The following MAGI2 variants were observed in gnomAD, a reference collection of about 807,000 sequenced individuals.
MAGI2 encodes the protein membrane associated guanylate kinase, WW and PDZ domain containing 2.
A neutral mutation model predicts 133.3 loss-of-function variants in MAGI2; 35 were observed. That is an observed-to-expected ratio of 0.26 (90% confidence interval 0.20 to 0.35). The LOEUF is 0.35. Ranked by LOEUF, MAGI2 falls within the 10% of genes least tolerant of loss-of-function variation. MAGI2 has a pLI of 1.00. For missense variants in MAGI2, 1,636 were observed against 1,863.4 expected (o/e 0.88, Z 2.25); for synonymous variants, 729 against 710.6 (o/e 1.03, Z -0.41).
chr7:79,450,613 C>CT (rs1292616917), intron 1 of MAGI2, among the ~76,000 whole-genome samples: 3 of 152,138 alleles, frequency 2.0e-5, no homozygotes, highest in Admixed American at 2.0e-4. Flanking sequence ...TGAAAAGAGA[C>CT]TTTCCCCTCA....
chr7:79,127,107 A>G (rs568782143), intron 1 of MAGI2, among the ~76,000 whole-genome samples: 4 of 152,226 alleles, frequency 2.6e-5, no homozygotes, highest in East Asian at 1.9e-4. Context: ...AGCTTCATCC[A>G]TGTCCCTACA....
intron 20 of MAGI2, among the ~76,000 whole-genome samples, chr7:78,097,465 G>A (rs11520995): frequency 0.12 from 18,573 of 152,124 alleles, 1,374 homozygotes; most frequent in Middle Eastern, 0.19. Flanking sequence ...CCTACACACC[G>A]TGGAATACCA....
intron 1 of MAGI2, among the ~76,000 whole-genome samples, chr7:79,377,779 TAGG>T (rs1329530887): frequency 6.6e-6 from 1 of 151,668 alleles, no homozygotes; most frequent in South Asian, 2.1e-4. Context: ...ACAACAAAAG[TAGG>T]AGATAACGGA....
chr7:78,971,703 A>G (rs1022710350), intron 2 of MAGI2, among the ~76,000 whole-genome samples: 1 of 151,986 alleles, frequency 6.6e-6, no homozygotes, highest in Admixed American at 6.6e-5. Flanking sequence ...TGAATTTGGG[A>G]GCCAAATTTT....
chr7:78,603,250 T>C (rs1563228772), intron 3 of MAGI2, among the ~76,000 whole-genome samples: 1 of 152,218 alleles, frequency 6.6e-6, no homozygotes, highest in Non-Finnish European at 1.5e-5. Context: ...TTAATTTTCT[T>C]GTACATAATT....
intron 1 of MAGI2, among the ~76,000 whole-genome samples, chr7:79,184,154 C>CA (rs972405706): frequency 7.3e-5 from 11 of 151,538 alleles, no homozygotes; most frequent in African/African-American, 2.2e-4. Flanking sequence ...GGTTTCACTA[C>CA]AAAAAATGAT....
chr7:78,176,908 G>GACACAC (rs200781303), intron 14 of MAGI2, among the ~76,000 whole-genome samples: 11,843 of 130,326 alleles, frequency 0.091, 559 homozygotes, highest in East Asian at 0.15. Context: ...ACCATATATA[G>GACACAC]ACACACACAC....
chr7:78,513,827 G>A (rs531838310), intron 4 of MAGI2, among the ~76,000 whole-genome samples: 2 of 152,082 alleles, frequency 1.3e-5, no homozygotes, highest in East Asian at 1.9e-4. Context: ...GGTGGCTCAC[G>A]TCTGTAATCC....
At chr7:79,299,554 C>CAAAAAAAAAAAAAAAAAAAAAAAAAA in intron 1 of MAGI2, among the ~76,000 whole-genome samples, 1 of 84,710 alleles carries the variant, frequency 1.2e-5, no homozygotes, top group African/African-American at 4.6e-5. Context: ...GACTCCATCT[C>CAAAAAAAAAAAAAAAAAAAAAAAAAA]AAAAAAAAAA....
At chr7:79,430,244 T>C (rs1847684555) in intron 1 of MAGI2, among the ~76,000 whole-genome samples, 1 of 152,172 alleles carries the variant, frequency 6.6e-6, no homozygotes, top group Non-Finnish European at 1.5e-5. Context: ...TTTATTGTGA[T>C]AAAATAAGGC....
chr7:79,360,983 A>G (rs1842341592), intron 1 of MAGI2, among the ~76,000 whole-genome samples: 1 of 152,144 alleles, frequency 6.6e-6, no homozygotes, highest in South Asian at 2.1e-4. Context: ...CTAATTTCAA[A>G]TGGAAAAACA....
intron 1 of MAGI2, among the ~76,000 whole-genome samples, chr7:79,192,967 A>G (rs1585167072): frequency 6.6e-6 from 1 of 151,860 alleles, no homozygotes; most frequent in Non-Finnish European, 1.5e-5. Context: ...CCTGGGATAG[A>G]ATGAGGGCAG....
chr7:78,246,714 A>G (rs1414138245), intron 10 of MAGI2, among the ~76,000 whole-genome samples: 4 of 152,124 alleles, frequency 2.6e-5, no homozygotes, highest in Non-Finnish European at 5.9e-5. Flanking sequence ...CAAAGTCACC[A>G]CTAAATAGTG....
intron 1 of MAGI2, among the ~76,000 whole-genome samples, chr7:79,290,786 C>G (rs9886330): frequency 0.61 from 92,670 of 151,876 alleles, 29,780 homozygotes; most frequent in Non-Finnish European, 0.7. Flanking sequence ...ACTACCAAAT[C>G]CAGAGGAATC....
At chr7:79,406,062 T>C (rs1845786411) in intron 1 of MAGI2, among the ~76,000 whole-genome samples, 1 of 152,110 alleles carries the variant, frequency 6.6e-6, no homozygotes, top group Non-Finnish European at 1.5e-5. Context: ...CGAATAAATA[T>C]TTAAGAATTT....
rs532869450 is a variant in MAGI2, at chr7:78,996,676, A to T, written c.418+10414T>A. ...GAACTTAAAATAAAAGTTAATAAAGAAAAATAAAACTACAAAAAGGAAAGT... is the reference window on the plus strand; with the variant it reads ...GAACTTAAAATAAAAGTTAATAAAGTAAAATAAAACTACAAAAAGGAAAGT... On this transcript the variant is annotated intron_variant, in intron 2 of 21. Transcript: ENST00000354212. Among the ~76,000 whole-genome samples, 4 of 152,306 alleles carry T rather than the reference A, an allele frequency of 2.6e-5. No homozygotes were observed. In the South Asian group the frequency reaches 8.3e-4, roughly 32 times the overall value.
Position 79,399,517 on chromosome 7 carries a change from T to C in MAGI2, c.301+53503A>G, listed in dbSNP as rs1026718306. ...GAGCATCTTGTGGCTAGGAAAAGAT[T>C]AGGTACAATCATTATATTATAGGAA... On this transcript the variant is annotated intron_variant, in intron 1 of 21. Coordinates refer to ENST00000354212, the MANE Select transcript of MAGI2 (RefSeq NM_012301.4). Among the ~76,000 whole-genome samples the C allele has an allele frequency of 5.3e-5, 8 of 152,170 alleles. No individual in the cohort carries two copies. The East Asian group carries it at 1.6e-3, about 30-fold the overall frequency.
At chr7:78,766,086 G>T (rs1824997823) in intron 2 of MAGI2, among the ~76,000 whole-genome samples, 2 of 152,204 alleles carry the variant, frequency 1.3e-5, no homozygotes, top group Non-Finnish European at 2.9e-5. Flanking sequence ...AGCTTTTGTG[G>T]CCCTTTGAGT....
intron 2 of MAGI2, among the ~76,000 whole-genome samples, chr7:78,779,515 G>A (rs1158558847): frequency 6.6e-6 from 1 of 152,166 alleles, no homozygotes; most frequent in African/African-American, 2.4e-5. Context: ...TAGTTACCTG[G>A]TCTACCTAGA....
Sources: allele counts gnomAD v4.1 joint callset (sites outside exome capture counted in the v4.1 genomes callset), GRCh38; gene constraint gnomAD v4.1.1; transcripts MANE v1.5; gene names NCBI Gene and HGNC (gene_info 2026-07-23, HGNC 2026-07-21).